TRIM24: variants seen among roughly 807,000 people sequenced by gnomAD.
TRIM24 encodes the protein transcription intermediary factor 1-alpha.
A neutral mutation model predicts 123.9 loss-of-function variants in TRIM24; 29 were observed. The observed-to-expected ratio is 0.23, with a 90% CI of 0.17 to 0.32. The LOEUF (loss-of-function observed/expected upper bound fraction) is 0.32, where lower values mean the gene tolerates loss of function less well. TRIM24 is among the 10% of genes least tolerant of loss of function. TRIM24 has a pLI of 1.00. For missense variants in TRIM24, 932 were observed against 1,295.3 expected (o/e 0.72, Z 4.31); for synonymous variants, 456 against 461.1 (o/e 0.99, Z 0.14).
At chr7:138,544,004 T>G (rs898159165) in intron 7 of TRIM24, among the ~76,000 whole-genome samples, 1 of 152,170 alleles carries the variant, frequency 6.6e-6, no homozygotes, top group Non-Finnish European at 1.5e-5. Context: ...TCCAGATTTT[T>G]TTTTTTGTAG....
chr7:138,589,948 TGTTA>T lies in TRIM24; in HGVS notation c.*5001_*5004del, dbSNP rs1386321080. 1.3e-5 allele frequency: 2 copies of T among 152,234 alleles called. No homozygotes were observed. Among genetic ancestry groups the T allele is most frequent in the East Asian group, 1.9e-4 (1 of 5,202 alleles). 9.4% of individuals were successfully genotyped at this position (152,234 alleles called of 1,614,324 possible). Reference sequence around the variant, plus strand: ...TTTGAGTCCTAAAAAAATCTTTCCTTGTTAGTTGCAAGTTAAACATTTAATAAAA... The same window carrying T: ...TTTGAGTCCTAAAAAAATCTTTCCTTGTTGCAAGTTAAACATTTAATAAAA... On this transcript the variant is annotated 3_prime_UTR_variant, in exon 19 of 19. Transcript: ENST00000343526.
At chr7:138,523,478 G>C (rs759057212) in intron 4 of TRIM24, among the ~76,000 whole-genome samples, 1 of 152,238 alleles carries the variant, frequency 6.6e-6, no homozygotes, top group Non-Finnish European at 1.5e-5. Flanking sequence ...CCTTTTGGCC[G>C]GGCGAGGTGG....
intron 6 of TRIM24, among the ~76,000 whole-genome samples, chr7:138,533,259 T>C (rs541670332): frequency 3.5e-3 from 534 of 152,302 alleles, no homozygotes; most frequent in African/African-American, 0.012. Context: ...TGTTGAATAG[T>C]AGGAGTGGTG....
intron 7 of TRIM24, among the ~76,000 whole-genome samples, chr7:138,546,493 G>A: frequency 6.6e-6 from 1 of 152,194 alleles, no homozygotes; most frequent in Non-Finnish European, 1.5e-5. Context: ...TATGAATTTG[G>A]AATCTGGGAT....
rs376757272 is a variant in TRIM24 at position 138,555,010 on chromosome 7, A to G, written c.1530+44A>G. On this transcript the variant is annotated intron_variant, in intron 9 of 18. Coordinates refer to ENST00000343526, the MANE Select transcript of TRIM24 (RefSeq NM_015905.3). Reference sequence around the variant, plus strand: ...CTGTCCTCACTTAGATAATTATAGTATAATTGTGTTTAGCAGCTCAAAATA... The same window carrying G: ...CTGTCCTCACTTAGATAATTATAGTGTAATTGTGTTTAGCAGCTCAAAATA... 106 of 1,573,380 alleles carry G rather than the reference A, an allele frequency of 6.7e-5. No individual in the cohort carries two copies. The African/African-American group carries it at 1.1e-3, about 17-fold the overall frequency.
Position 138,570,827 on chromosome 7 carries a change from T to C in TRIM24, c.1705-3T>C. 6.2e-7 allele frequency: 1 copy of C among 1,613,848 alleles called. No individual in the cohort carries two copies. Among genetic ancestry groups the C allele is most frequent in the Non-Finnish European group, 8.5e-7 (1 of 1,179,884 alleles). ...CTTTGTTCTTCTCTTCTTGTTACTG[T>C]AGTGGCAGATCAGCAGTGGACAGGG... On this transcript the variant is annotated splice_region_variant and splice_polypyrimidine_tract_variant and intron_variant, in intron 10 of 18. Transcript: ENST00000343526.
At chr7:138,580,875 TCA>T (rs1304561309) in intron 16 of TRIM24, among the ~76,000 whole-genome samples, 181 bp downstream of exon 16, 2 of 152,106 alleles carry the variant, frequency 1.3e-5, no homozygotes, top group Admixed American at 6.6e-5. Flanking sequence ...ATTAAAAAAA[TCA>T]CAGAATTAAT....
At chr7:138,542,441 T>A (rs1315248960) in intron 7 of TRIM24, among the ~76,000 whole-genome samples, 1 of 152,198 alleles carries the variant, frequency 6.6e-6, no homozygotes, top group Non-Finnish European at 1.5e-5. Flanking sequence ...CTTACATGGG[T>A]GTGGTTTGTG....
At chr7:138,573,393 T>A (rs979462768) in intron 11 of TRIM24, 114 bp from the exon 12 acceptor site, 1 of 982,308 alleles carries the variant, frequency 1.0e-6, no homozygotes, top group Non-Finnish European at 1.4e-6. Flanking sequence ...ATGTGGTATC[T>A]ATGTTTTGTT....
intron 6 of TRIM24, 78 bp downstream of exon 6, chr7:138,529,308 C>T: frequency 1.4e-6 from 1 of 719,624 alleles, no homozygotes. Context: ...AATCATAGTG[C>T]TTTTTATATA....
chr7:138,466,462 G>GTTTTTT (rs1563020272), intron 1 of TRIM24, among the ~76,000 whole-genome samples: 2 of 32,670 alleles, frequency 6.1e-5, no homozygotes, highest in African/African-American at 2.5e-4. Context: ...AACTTAAGTT[G>GTTTTTT]CTTTTTTTTT....
At chr7:138,513,940 A>G (rs575041327) in intron 2 of TRIM24, among the ~76,000 whole-genome samples, 1 of 152,312 alleles carries the variant, frequency 6.6e-6, no homozygotes, top group African/African-American at 2.4e-5. Flanking sequence ...AGTAGATGAG[A>G]TCAATCCCTA....
intron 1 of TRIM24, among the ~76,000 whole-genome samples, chr7:138,488,230 C>T (rs187648506): frequency 0.019 from 2,933 of 151,138 alleles, 92 homozygotes; most frequent in African/African-American, 0.067. Context: ...TGATTCTTCT[C>T]TTTTTTCTTC....
At chr7:138,474,660 C>T in intron 1 of TRIM24, among the ~76,000 whole-genome samples, 1 of 152,166 alleles carries the variant, frequency 6.6e-6, no homozygotes, top group East Asian at 1.9e-4. Flanking sequence ...GATCCAAGTT[C>T]ATTTTATACA....
At chr7:138,462,338 CTTTTTTT>C (rs34920255) in intron 1 of TRIM24, among the ~76,000 whole-genome samples, 1 of 124,414 alleles carries the variant, frequency 8.0e-6, no homozygotes, top group Admixed American at 8.2e-5. Flanking sequence ...GTGCAAAAAT[CTTTTTTT>C]TTTTTTTTTT....
At chr7:138,546,397 T>A (rs1374336934) in intron 7 of TRIM24, among the ~76,000 whole-genome samples, 1 of 152,216 alleles carries the variant, frequency 6.6e-6, no homozygotes, top group Non-Finnish European at 1.5e-5. Context: ...ACTTATATCC[T>A]TGATGGCATC....
At chr7:138,525,953 C>A (rs1796599210) in intron 5 of TRIM24, among the ~76,000 whole-genome samples, 2 of 152,184 alleles carry the variant, frequency 1.3e-5, no homozygotes, top group Admixed American at 1.3e-4. Context: ...AACCACTAAC[C>A]TCCATGGAGC....
intron 3 of TRIM24, among the ~76,000 whole-genome samples, chr7:138,516,583 G>A (rs1339177313): frequency 1.3e-5 from 2 of 152,076 alleles, no homozygotes; most frequent in Non-Finnish European, 2.9e-5. Context: ...TCGAACTCCT[G>A]ACCTCAAGTA....
chr7:138,472,645 A>G (rs1874326), intron 1 of TRIM24, among the ~76,000 whole-genome samples: 125,907 of 152,062 alleles, frequency 0.83, 52,473 homozygotes, highest in Non-Finnish European at 0.85. Flanking sequence ...TGAATTAACA[A>G]CGATACCTAT....
Sources: gnomAD v4.1 joint callset for allele counts (sites outside exome capture counted in the v4.1 genomes callset) on GRCh38, gnomAD v4.1.1 for gene constraint, MANE v1.5 for transcripts, NCBI Gene and HGNC (gene_info 2026-07-23, HGNC 2026-07-21) for gene names.